The following COL3A1 variants were observed in gnomAD, a reference collection of about 807,000 sequenced individuals.
COL3A1 encodes collagen alpha-1(III) chain.
Under a neutral mutation model 200.9 loss-of-function variants are expected in COL3A1, and 46 were observed. The ratio of observed to expected loss-of-function variants is 0.23; its 90% CI spans 0.18 to 0.29. COL3A1 has a LOEUF of 0.29. Among genes scored for constraint, COL3A1 ranks in the 10% least tolerant of loss-of-function variants. COL3A1 has a pLI of 1.00. For synonymous variants in COL3A1, 650 were observed against 628.0 expected (o/e 1.03, Z -0.52); for missense variants, 1,367 against 1,917.6 (o/e 0.71, Z 5.36).
In COL3A1 at chr2:188,994,552, T is replaced by G; in HGVS notation, c.1305T>G (p.Gly435=). ...PGLRGGAGEP[G]KNGAKGEPGP... Reference sequence around the variant, plus strand: ...TTGTTATACTTTAGGGTGAGCCTGGTAAGAATGGTGCCAAAGGAGAGCCCG... The same window carrying G: ...TTGTTATACTTTAGGGTGAGCCTGGGAAGAATGGTGCCAAAGGAGAGCCCG... The change falls in exon 19 of 51, where the codon GGT becomes GGG. Residue 435 remains glycine (G), a synonymous_variant. Coordinates refer to ENST00000304636, the MANE Select transcript of COL3A1 (RefSeq NM_000090.4). This position sits in a 1 kb window ranked among gnomAD's most constrained non-coding sequence, Gnocchi z 4.5. 3.1e-6 allele frequency: 5 copies of G among 1,614,158 alleles called. No homozygotes were observed. Among genetic ancestry groups the G allele is most frequent in the Non-Finnish European group, 4.2e-6 (5 of 1,180,028 alleles).
chr2:189,005,209 T>C (rs1688559009), intron 40 of COL3A1, 141 bp from the exon 41 acceptor site: 1 of 782,966 alleles, frequency 1.3e-6, no homozygotes, highest in Non-Finnish European at 2.1e-6. Flanking sequence ...TTTTTTCCCA[T>C]AGCAGGCATA....
In COL3A1 at chr2:188,995,696, C is replaced by T. The variant is rs1688290767; in HGVS notation, c.1514C>T (p.Pro505Leu). 2 of 1,554,090 alleles carry T rather than the reference C, an allele frequency of 1.3e-6. No individual in the cohort carries two copies. The highest frequency in any genetic ancestry group is 4.9e-5 in the East Asian group (2 of 41,178). The change falls in exon 22 of 51, where the codon CCT (proline) becomes CTT (leucine). Residue 505 changes from proline to leucine, a missense_variant. Around this residue, in one of 5 missense-constraint regions of COL3A1, gnomAD observed 462 missense variants for 681.4 expected, o/e 0.68. Transcript: ENST00000304636. Reference protein sequence around the residue: ...GPNGIPGEKGPAGERGAPGPA... With the variant: ...GPNGIPGEKGLAGERGAPGPA... ...AAAATTTCTTTCACTACTTAGGGTC[C>T]TGCTGGAGAGCGTGGTGCTCCAGGC...
At chr2:188,992,335 A>C in intron 14 of COL3A1, 107 bp downstream of exon 14, 1 of 958,038 alleles carries the variant, frequency 1.0e-6, no homozygotes, top group East Asian at 2.7e-5. Context: ...ATATATATGC[A>C]TATGTATATC....
At chr2:188,989,541 A>T in intron 8 of COL3A1, 92 bp downstream of exon 8, 1 of 936,466 alleles carries the variant, frequency 1.1e-6, no homozygotes, top group Non-Finnish European at 1.7e-6. Flanking sequence ...CCAGAAGAAA[A>T]AAAAATGTTA....
At position 189,010,754 on chromosome 2, in the gene COL3A1, A is replaced by G. The variant is rs775951025; in HGVS notation, c.4118A>G (p.Lys1373Arg). The change falls in exon 50 of 51, where the codon AAA becomes AGA. Residue 1373 changes from lysine (K) to arginine (R), a missense_variant. Physicochemically the swap from Lys to Arg is conservative, Grantham distance 26. Coordinates refer to ENST00000304636, the MANE Select transcript of COL3A1 (RefSeq NM_000090.4). ...RASQNITYHC[K>R]NSIAYMDQAS... ...TCCCAGAACATCACATATCACTGCA[A>G]AAATAGCATTGCATACATGGATCAG... The G allele has an allele frequency of 3.1e-6, 5 of 1,614,168 alleles. No homozygotes were observed. The Admixed American group carries it at 5.0e-5, about 16-fold the overall frequency.
At chr2:188,990,594 A>G (rs1365589986) in intron 10 of COL3A1, among the ~76,000 whole-genome samples, 2 of 152,156 alleles carry the variant, frequency 1.3e-5, no homozygotes, top group Non-Finnish European at 2.9e-5. Flanking sequence ...TCTTACTACC[A>G]CTATCAGAAA....
Position 189,004,363 on chromosome 2 carries a change from A to G in COL3A1, c.2930A>G (p.Lys977Arg), listed in dbSNP as rs916281298. 6.3e-7 allele frequency: 1 copy of G among 1,588,262 alleles called. No homozygotes were observed. Among genetic ancestry groups the G allele is most frequent in the Non-Finnish European group, 8.6e-7 (1 of 1,166,814 alleles). Reference sequence around the variant, plus strand: ...GGAAGCCCTGGCCCTCAGGGTGTCAAGGTGAGTATAGTCATTTTCCACTAC... The same window carrying G: ...GGAAGCCCTGGCCCTCAGGGTGTCAGGGTGAGTATAGTCATTTTCCACTAC... ...PRGSPGPQGV[K>R]GESGKPGANG... is the part of the protein sequence containing the mutation. The change falls in exon 40 of 51, where the codon AAG (lysine) becomes AGG (arginine). Residue 977 changes from lysine (K) to arginine (R), a missense_variant and splice_region_variant. By Grantham distance (26) the Lys-to-Arg change is conservative. This residue lies in a region of COL3A1 where 846 missense variants were observed against 1,147.9 expected (regional missense o/e 0.74). Coordinates refer to ENST00000304636, the MANE Select transcript of COL3A1 (RefSeq NM_000090.4).
At chr2:188,998,646 G>C (rs1470461765) in intron 28 of COL3A1, 28 bp from the exon 29 acceptor site, 4 of 1,609,860 alleles carry the variant, frequency 2.5e-6, no homozygotes, top group Non-Finnish European at 8.5e-7. Flanking sequence ...TCTGATATGG[G>C]CCTAATCATA....
At chr2:189,004,410 C>A in intron 40 of COL3A1, 46 bp downstream of exon 40, 1 of 1,505,240 alleles carries the variant, frequency 6.6e-7, no homozygotes, top group Non-Finnish European at 9.1e-7. Context: ...CTTTGGTAGC[C>A]TTCAGAGATC....
intron 41 of COL3A1, chr2:189,005,726 A>T: frequency 2.5e-6 from 1 of 394,388 alleles, no homozygotes; most frequent in South Asian, 2.7e-5. Context: ...CACAATTGAC[A>T]TGTTTTCTGA....
intron 27 of COL3A1, 126 bp downstream of exon 27, chr2:188,997,879 G>A: frequency 3.4e-6 from 3 of 891,780 alleles, no homozygotes; most frequent in Non-Finnish European, 5.5e-6. Flanking sequence ...TAAAATTTTA[G>A]GCAATGTTAA....
chr2:188,996,140 C>A lies in COL3A1; in HGVS notation c.1624C>A (p.Pro542Thr). 3.1e-6 allele frequency: 5 copies of A among 1,613,582 alleles called. No individual in the cohort carries two copies. Among genetic ancestry groups the A allele is most frequent in the Non-Finnish European group, 4.2e-6 (5 of 1,179,864 alleles). Residue 542 changes from proline to threonine, a missense_variant, in exon 23 of 51, where the codon CCA becomes ACA. Physicochemically the swap from Pro to Thr is conservative, Grantham distance 38 (BLOSUM62 -1). Transcript: ENST00000304636. ...TTTACTTCAGGGCATGCCCGGAAGT[C>A]CAGGAGGACCAGGAAGTGATGGGAA... ...GPGMRGMPGS[P>T]GGPGSDGKPG...
intron 45 of COL3A1, 119 bp from the exon 46 acceptor site, chr2:189,007,766 A>C (rs1688627647): frequency 7.4e-7 from 1 of 1,349,578 alleles, no homozygotes; most frequent in East Asian, 2.3e-5. Context: ...CAATGGGAAG[A>C]TTAAAGAAAG....
At chr2:188,990,178 T>C in intron 9 of COL3A1, 29 bp downstream of exon 9, 1 of 1,610,632 alleles carries the variant, frequency 6.2e-7, no homozygotes, top group African/African-American at 1.3e-5. Flanking sequence ...ATAAATTAAT[T>C]GGAATAATCT....
At chr2:188,985,582 T>C in intron 3 of COL3A1, 83 bp from the exon 4 acceptor site, 1 of 862,878 alleles carries the variant, frequency 1.2e-6, no homozygotes. Context: ...CCTAATATTA[T>C]AAAGTAGAGA....
chr2:188,987,835 A>C (rs992780801), intron 5 of COL3A1, among the ~76,000 whole-genome samples: 1 of 152,052 alleles, frequency 6.6e-6, no homozygotes, highest in African/African-American at 2.4e-5. Context: ...CCCTTCCTTA[A>C]GAGTTCAGGA....
chr2:189,006,529 G>A, intron 43 of COL3A1, 77 bp downstream of exon 43: 1 of 1,414,652 alleles, frequency 7.1e-7, no homozygotes, highest in East Asian at 2.4e-5. Context: ...AAGGTAGAAT[G>A]TCAGATCTGC....
intron 34 of COL3A1, 40 bp downstream of exon 34, chr2:189,001,629 A>G (rs764238564): frequency 1.1e-5 from 17 of 1,608,842 alleles, no homozygotes; most frequent in Non-Finnish European, 1.4e-5. Flanking sequence ...TTTTAACCCC[A>G]TACAGACAGT....
chr2:188,989,253 T>A, intron 7 of COL3A1, 143 bp from the exon 8 acceptor site: 1 of 632,978 alleles, frequency 1.6e-6, no homozygotes, highest in Non-Finnish European at 2.8e-6. Flanking sequence ...TAATATTAAC[T>A]CAGTAAGTAT....
Sources: allele counts gnomAD v4.1 joint callset (sites outside exome capture counted in the v4.1 genomes callset), GRCh38; gene constraint gnomAD v4.1.1; regional missense constraint gnomAD v4.1.1; non-coding constraint Gnocchi (gnomAD v3.1); transcripts MANE v1.5; gene names NCBI Gene and HGNC (gene_info 2026-07-23, HGNC 2026-07-21).